The following RFX4 variants were observed in gnomAD, a reference collection of about 807,000 sequenced individuals.
The protein encoded by RFX4 is regulatory factor X4.
A neutral mutation model predicts 95.0 loss-of-function variants in RFX4; 10 were observed. The ratio of observed to expected loss-of-function variants is 0.11; its 90% CI spans 0.06 to 0.18. The LOEUF (loss-of-function observed/expected upper bound fraction) is 0.18. RFX4 is among the 10% of genes least tolerant of loss of function. RFX4 has a pLI of 1.00. For synonymous variants in RFX4, 321 were observed against 340.7 expected (o/e 0.94, Z 0.64); for missense variants, 640 against 922.0 (o/e 0.69, Z 3.96).
At position 106,761,259 on chromosome 12, in the gene RFX4, G is replaced by C. The variant is rs1194265526; in HGVS notation, c.1998G>C (p.Leu666=). The stretch of plus-strand genomic sequence containing the variant: ...GTTTGATGAGCAGTACTCCCAGACT[G>C]CATCCTACCCCAGTCACTCCCCGCT... ...EPCLMSSTPR[L]HPTPVTPRWP... is the part of the protein sequence containing the mutation. Residue 666 remains leucine, a synonymous_variant, in exon 18 of 18, where the codon CTG becomes CTC. Transcript: ENST00000392842. The C allele has an allele frequency of 4.3e-6, 7 of 1,614,088 alleles. No homozygotes were observed. The highest frequency in any genetic ancestry group is 5.9e-6 in the Non-Finnish European group (7 of 1,180,012).
intron 7 of RFX4, among the ~76,000 whole-genome samples, chr12:106,692,149 C>G (rs1308643043): frequency 6.7e-6 from 1 of 148,800 alleles, no homozygotes; most frequent in Non-Finnish European, 1.5e-5. Context: ...GAGTGAGACT[C>G]CATCTCAAAA....
chr12:106,608,027 T>C (rs1158956857), intron 1 of RFX4, among the ~76,000 whole-genome samples: 2 of 152,138 alleles, frequency 1.3e-5, no homozygotes, highest in Non-Finnish European at 2.9e-5. Context: ...ACCCCGTCTC[T>C]ACTAAAAATA....
chr12:106,596,212 G>A (rs551777808), intron 1 of RFX4, among the ~76,000 whole-genome samples: 1 of 152,332 alleles, frequency 6.6e-6, no homozygotes, highest in Middle Eastern at 3.4e-3. Flanking sequence ...AATCACAGGA[G>A]CAGGTCTTTC....
chr12:106,715,698 C>A, intron 11 of RFX4, 154 bp downstream of exon 11: 1 of 835,870 alleles, frequency 1.2e-6, no homozygotes, highest in South Asian at 1.8e-5. Flanking sequence ...TGAGTCAGTC[C>A]AGAAGGAAGG....
At chr12:106,596,538 T>C (rs1213913120) in intron 1 of RFX4, among the ~76,000 whole-genome samples, 2 of 152,250 alleles carry the variant, frequency 1.3e-5, no homozygotes, top group Non-Finnish European at 2.9e-5. Flanking sequence ...TGAGGCAATA[T>C]CTCATAAACC....
chr12:106,720,729 C>T lies in RFX4; in HGVS notation c.1234-30C>T. 1 of 1,593,408 alleles carries T rather than the reference C, an allele frequency of 6.3e-7. No individual in the cohort carries two copies. Among genetic ancestry groups the T allele is most frequent in the Non-Finnish European group, 8.6e-7 (1 of 1,161,336 alleles). On this transcript the variant is annotated intron_variant, in intron 12 of 17. Transcript: ENST00000392842. This position sits in a 1 kb window ranked among gnomAD's most constrained non-coding sequence, Gnocchi z 4.2. Reference sequence around the variant, plus strand: ...AGTAATAAATGAAAGGTCAAGTCGACCACTATTAAAGCCATTTACTTTCTT... The same window carrying T: ...AGTAATAAATGAAAGGTCAAGTCGATCACTATTAAAGCCATTTACTTTCTT...
chr12:106,733,326 G>T, intron 15 of RFX4: 2 of 377,516 alleles, frequency 5.3e-6, no homozygotes, highest in Admixed American at 8.3e-5. Context: ...CTCAAAAAAA[G>T]AAAAACAGGG....
At chr12:106,627,020 G>A (rs1477068020) in intron 2 of RFX4, among the ~76,000 whole-genome samples, 2 of 152,102 alleles carry the variant, frequency 1.3e-5, no homozygotes, top group East Asian at 3.9e-4. Context: ...GCTGTGTCCC[G>A]TTCCCTCTGC....
chr12:106,598,125 G>A (rs967582430), intron 1 of RFX4, among the ~76,000 whole-genome samples: 4 of 152,106 alleles, frequency 2.6e-5, no homozygotes, highest in Non-Finnish European at 4.4e-5. Context: ...GATTCATTGC[G>A]CTAGTAAGTA....
chr12:106,680,012 G>A (rs375894500), intron 4 of RFX4, among the ~76,000 whole-genome samples: 1 of 152,128 alleles, frequency 6.6e-6, no homozygotes, highest in South Asian at 2.1e-4. Flanking sequence ...CAAGAGTCAG[G>A]GTTAAAGAGA....
rs1432503275 is a variant in RFX4 at position 106,720,984 on chromosome 12, T to C, written c.1351+108T>C. On this transcript the variant is annotated intron_variant, in intron 13 of 17. Coordinates refer to ENST00000392842, the MANE Select transcript of RFX4 (RefSeq NM_213594.3). The surrounding 1 kb of genome is among the most constrained non-coding windows in gnomAD (Gnocchi z 4.2). ...TGCTGTTTCTGCAAGGTCATCACCC[T>C]GAAACACATCTCTTCTGGGGAGACA... The C allele has an allele frequency of 1.1e-6, 1 of 880,044 alleles. No homozygotes were observed. Among genetic ancestry groups the C allele is most frequent in the Non-Finnish European group, 1.9e-6 (1 of 535,990 alleles). The allele number at this position is 880,044 out of a possible 1,614,324, so 54.5% of individuals were successfully genotyped here. A position where few individuals can be genotyped will look rare whatever the true frequency, so the allele number is the denominator to read the frequency against.
At chr12:106,748,139 G>A (rs1338260824) in intron 16 of RFX4, among the ~76,000 whole-genome samples, 1 of 151,990 alleles carries the variant, frequency 6.6e-6, no homozygotes, top group African/African-American at 2.4e-5. Flanking sequence ...AACTTGTTTG[G>A]TTATCTTCCA....
At chr12:106,687,308 C>A (rs1033252141) in intron 6 of RFX4, among the ~76,000 whole-genome samples, 4 of 151,860 alleles carry the variant, frequency 2.6e-5, no homozygotes, top group Non-Finnish European at 5.9e-5. Context: ...AATTTCAGCA[C>A]TTGGGAGGCT....
chr12:106,664,644 T>G (rs1304172380), intron 4 of RFX4, among the ~76,000 whole-genome samples: 3 of 151,874 alleles, frequency 2.0e-5, no homozygotes, highest in Non-Finnish European at 4.4e-5. Context: ...AAACTTAGAT[T>G]ATTGATTTTA....
chr12:106,625,503 A>C (rs1014827743), intron 2 of RFX4, among the ~76,000 whole-genome samples: 4 of 152,206 alleles, frequency 2.6e-5, no homozygotes, highest in Non-Finnish European at 4.4e-5. Flanking sequence ...GTCAGTAGAT[A>C]TGTATGCTTC....
chr12:106,659,968 C>A (rs1251562088), intron 4 of RFX4, among the ~76,000 whole-genome samples: 1 of 152,102 alleles, frequency 6.6e-6, no homozygotes, highest in African/African-American at 2.4e-5. Context: ...AAGTCTCAGC[C>A]TCTGTGTATC....
At chr12:106,600,585 C>A (rs1646296451) in intron 1 of RFX4, among the ~76,000 whole-genome samples, 1 of 152,142 alleles carries the variant, frequency 6.6e-6, no homozygotes, top group African/African-American at 2.4e-5. Flanking sequence ...TGTGGGTTAC[C>A]CTTTCTGAGC....
rs1480678969 is a variant in RFX4, at chr12:106,627,994, A to G, written c.131-11338A>G. ...ACTTGCAAAGAATTGGATTGCCCCCATGGGGTGTCTGCTGCAGTTTTAGTG... is the reference window on the plus strand; with the variant it reads ...ACTTGCAAAGAATTGGATTGCCCCCGTGGGGTGTCTGCTGCAGTTTTAGTG... On this transcript the variant is annotated intron_variant, in intron 2 of 17. Coordinates refer to ENST00000392842, the MANE Select transcript of RFX4 (RefSeq NM_213594.3). Among the ~76,000 whole-genome samples the G allele has an allele frequency of 2.6e-5, 4 of 152,202 alleles. No individual in the cohort carries two copies. The East Asian group carries it at 5.8e-4, about 22-fold the overall frequency.
chr12:106,595,697 A>G (rs558695108), intron 1 of RFX4, among the ~76,000 whole-genome samples: 1 of 152,364 alleles, frequency 6.6e-6, no homozygotes, highest in South Asian at 2.1e-4. Flanking sequence ...CACTTAGAAT[A>G]GGTTCAACAT....
Sources: allele counts gnomAD v4.1 joint callset (sites outside exome capture counted in the v4.1 genomes callset), GRCh38; gene constraint gnomAD v4.1.1; non-coding constraint Gnocchi (gnomAD v3.1); transcripts MANE v1.5; gene names NCBI Gene and HGNC (gene_info 2026-07-23, HGNC 2026-07-21).